Variants in GORASP2 observed in about 807,000 individuals in gnomAD.
GORASP2 encodes Golgi reassembly-stacking protein 2.
GORASP2 carries 22 observed loss-of-function variants against 45.7 expected under a neutral mutation model. The ratio of observed to expected loss-of-function variants is 0.48; its 90% CI spans 0.34 to 0.69. The LOEUF (loss-of-function observed/expected upper bound fraction) is 0.69, where lower values mean the gene tolerates loss of function less well. Ranked by LOEUF, GORASP2 falls within the 30% of genes least tolerant of loss-of-function variation. The probability of loss-of-function intolerance (pLI) is 0.01; values close to 1 mark genes in which losing one functional copy is unlikely to be tolerated. For missense variants in GORASP2, 491 were observed against 562.7 expected (o/e 0.87, Z 1.29); for synonymous variants, 221 against 215.6 (o/e 1.02, Z -0.22).
chr2:170,937,438 TGA>T (rs776643810), intron 1 of GORASP2, among the ~76,000 whole-genome samples: 4 of 152,154 alleles, frequency 2.6e-5, no homozygotes, highest in African/African-American at 9.6e-5. Context: ...CGGGCTCAAG[TGA>T]TCCTCCTGCT....
At position 170,958,653 on chromosome 2, in the gene GORASP2, C is replaced by CT. The variant is rs1179921216; in HGVS notation, c.823+2115dup. Among the ~76,000 whole-genome samples the CT allele has an allele frequency of 6.9e-3, 725 of 105,500 alleles. 8 individuals are homozygous for CT. Among genetic ancestry groups the CT allele is most frequent in the African/African-American group, 0.019 (495 of 25,574 alleles). 69.2% of individuals were successfully genotyped at this position (105,500 alleles called of 152,430 possible). On this transcript the variant is annotated intron_variant, in intron 7 of 9. Transcript: ENST00000234160. ...TAGAGTAAGCGTGTTTCCAGATGCT[C>CT]TTTTTTTTTTTTTTTTTTTTTAAAA...
intron 1 of GORASP2, 88 bp downstream of exon 1, chr2:170,929,491 G>A (rs1390096106): frequency 1.9e-6 from 2 of 1,051,280 alleles, no homozygotes; most frequent in Non-Finnish European, 2.5e-6. Flanking sequence ...CTCCTTCACG[G>A]GGCAGCCAGG....
intron 1 of GORASP2, among the ~76,000 whole-genome samples, chr2:170,940,008 G>A (rs1222687437): frequency 7.2e-5 from 2 of 27,904 alleles, no homozygotes; most frequent in South Asian, 0.013. Flanking sequence ...GAGAGTGTTA[G>A]AAGAGATGAT....
intron 1 of GORASP2, chr2:170,929,726 C>T (rs1703771462): frequency 3.5e-6 from 2 of 574,076 alleles, no homozygotes; most frequent in Non-Finnish European, 6.8e-6. Flanking sequence ...CTCCTCCACC[C>T]CCCCTCATTT....
Position 170,965,848 on chromosome 2 carries a change from C to T in GORASP2, c.1077C>T (p.Pro359=), listed in dbSNP as rs1345816615. 6.2e-7 allele frequency: 1 copy of T among 1,614,118 alleles called. No individual in the cohort carries two copies. Among genetic ancestry groups the T allele is most frequent in the East Asian group, 2.2e-5 (1 of 44,866 alleles). Residue 359 remains proline, a synonymous_variant, in exon 10 of 10, where the codon CCC becomes CCT. Coordinates refer to ENST00000234160, the MANE Select transcript of GORASP2 (RefSeq NM_015530.5). ...ACTTACCTGGCATTGCACCTCTCCC[C>T]CTGCCATCCGAGTTCCTCCCGTCAT... ...PRNLPGIAPL[P]LPSEFLPSFP...
intron 1 of GORASP2, among the ~76,000 whole-genome samples, chr2:170,944,011 G>A (rs1231746988): frequency 6.6e-6 from 1 of 152,144 alleles, no homozygotes; most frequent in Non-Finnish European, 1.5e-5. Flanking sequence ...CCTGTTCATT[G>A]TAAATTGCTT....
chr2:170,943,922 C>T (rs892926002), intron 1 of GORASP2, among the ~76,000 whole-genome samples: 2 of 152,166 alleles, frequency 1.3e-5, no homozygotes, highest in African/African-American at 2.4e-5. Flanking sequence ...GAGATCCTCT[C>T]ACCTCTGCCT....
intron 1 of GORASP2, chr2:170,936,543 G>GTACATT: frequency 1.2e-6 from 1 of 810,110 alleles, no homozygotes; most frequent in Non-Finnish European, 1.8e-6. Context: ...TTGAGAGACT[G>GTACATT]TACATTTCCC....
Position 170,965,845 on chromosome 2 carries a change from C to T in GORASP2, c.1074C>T (p.Leu358=). ...GAAACTTACCTGGCATTGCACCTCT[C>T]CCCCTGCCATCCGAGTTCCTCCCGT... ...PPRNLPGIAP[L]PLPSEFLPSF... is the part of the protein sequence containing the mutation. The change falls in exon 10 of 10, where the codon CTC becomes CTT. Residue 358 remains leucine, a synonymous_variant. Transcript: ENST00000234160. 5 of 1,614,042 alleles carry T rather than the reference C, an allele frequency of 3.1e-6. No homozygotes were observed. Among genetic ancestry groups the T allele is most frequent in the Non-Finnish European group, 4.2e-6 (5 of 1,179,982 alleles).
chr2:170,950,182 G>T (rs62170032), intron 3 of GORASP2, 22 bp from the exon 4 acceptor site: 384 of 1,166,762 alleles, frequency 3.3e-4, no homozygotes, highest in Middle Eastern at 5.8e-4. Flanking sequence ...TAATTTTAGG[G>T]TGTGTGTTTA....
At chr2:170,956,638 C>T (rs1704433610) in intron 7 of GORASP2, 79 bp downstream of exon 7, 6 of 1,230,864 alleles carry the variant, frequency 4.9e-6, no homozygotes, top group East Asian at 2.5e-5. Flanking sequence ...TGACCAGACA[C>T]AGTGGCTCAC....
intron 9 of GORASP2, among the ~76,000 whole-genome samples, chr2:170,965,559 CAGGTTACATGGAGCCT>C (rs1417189576): frequency 6.6e-6 from 1 of 152,162 alleles, no homozygotes. Flanking sequence ...AGTGCTGGGC[CAGGTTACATGGAGCCT>C]AGAAGTTGAG....
chr2:170,965,195 G>A (rs764189581), intron 9 of GORASP2, among the ~76,000 whole-genome samples: 1 of 152,122 alleles, frequency 6.6e-6, no homozygotes, highest in Non-Finnish European at 1.5e-5. Flanking sequence ...GGTTACAGGC[G>A]TGAGCCACCA....
At chr2:170,951,527 T>C in intron 5 of GORASP2, 69 bp downstream of exon 5, 1 of 1,188,764 alleles carries the variant, frequency 8.4e-7, no homozygotes, top group South Asian at 1.5e-5. Context: ...CAGACATTGA[T>C]TGTTTTTATT....
intron 9 of GORASP2, among the ~76,000 whole-genome samples, chr2:170,964,061 C>T (rs371880050): frequency 2.0e-5 from 3 of 152,208 alleles, no homozygotes; most frequent in South Asian, 2.1e-4. Context: ...GAGATGTCTA[C>T]GGTAGCAGAT....
intron 1 of GORASP2, among the ~76,000 whole-genome samples, chr2:170,938,758 C>A (rs972853882): frequency 6.6e-6 from 1 of 152,024 alleles, no homozygotes; most frequent in South Asian, 2.1e-4. Context: ...TTTGGGAGGC[C>A]GAGGCGGTGA....
chr2:170,934,673 T>C (rs1703905476), intron 1 of GORASP2, among the ~76,000 whole-genome samples: 1 of 152,188 alleles, frequency 6.6e-6, no homozygotes. Context: ...TATAAAGTTA[T>C]AATTGTGAAA....
At chr2:170,940,460 C>T (rs976327202) in intron 1 of GORASP2, among the ~76,000 whole-genome samples, 12 of 152,090 alleles carry the variant, frequency 7.9e-5, no homozygotes, top group African/African-American at 2.7e-4. Flanking sequence ...GTGAAATGAC[C>T]CAAACCTAGC....
At chr2:170,956,619 T>C in intron 7 of GORASP2, 60 bp downstream of exon 7, 1 of 1,459,230 alleles carries the variant, frequency 6.9e-7, no homozygotes, top group Non-Finnish European at 9.3e-7. Flanking sequence ...TGCATAGAAT[T>C]TTAAAAATTG....
Sources: gnomAD v4.1 joint callset for allele counts (sites outside exome capture counted in the v4.1 genomes callset) on GRCh38, gnomAD v4.1.1 for gene constraint, MANE v1.5 for transcripts, NCBI Gene and HGNC (gene_info 2026-07-23, HGNC 2026-07-21) for gene names.